Variants in MAP7 observed in about 807,000 individuals in gnomAD.
MAP7 encodes the protein microtubule associated protein 7, also known as ensconsin.
A neutral mutation model predicts 94.8 loss-of-function variants in MAP7; 52 were observed. The ratio of observed to expected loss-of-function variants is 0.55; its 90% CI spans 0.44 to 0.69. MAP7 has a LOEUF of 0.69. MAP7 is among the 30% of genes least tolerant of loss of function. The pLI, the probability that MAP7 is intolerant of heterozygous loss-of-function variation, is 0.00. For missense variants in MAP7, 940 were observed against 964.6 expected, an observed-to-expected ratio of 0.97 and a Z score of 0.34; for synonymous variants, 350 against 357.0, an observed-to-expected ratio of 0.98 and a Z score of 0.22.
intron 3 of MAP7, among the ~76,000 whole-genome samples, chr6:136,403,295 G>C (rs1264753741): frequency 1.3e-5 from 2 of 152,216 alleles, no homozygotes; most frequent in Admixed American, 1.3e-4. Flanking sequence ...GATGTCGTCA[G>C]CTCTTGCTTC....
intron 1 of MAP7, among the ~76,000 whole-genome samples, chr6:136,490,794 T>A (rs1816339071): frequency 6.6e-6 from 1 of 152,154 alleles, no homozygotes; most frequent in Non-Finnish European, 1.5e-5. Context: ...GGCACTAAGG[T>A]ATATTCCCAT....
At chr6:136,419,683 T>C (rs1457702537) in intron 2 of MAP7, among the ~76,000 whole-genome samples, 1 of 152,214 alleles carries the variant, frequency 6.6e-6, no homozygotes, top group African/African-American at 2.4e-5. Context: ...GGTGAGTGTA[T>C]CACATGTCAT....
Position 136,345,908 on chromosome 6 carries a change from C to T in MAP7, c.2187G>A (p.Gly729=), listed in dbSNP as rs773006654. Reference sequence around the variant, plus strand: ...CTACCTGAGGCAGGGGCCCAAGTGTCCCTTCATCATCAAAGGCCAAAATTG... The same window carrying T: ...CTACCTGAGGCAGGGGCCCAAGTGTTCCTTCATCATCAAAGGCCAAAATTG... ...LNPILAFDDE[G]TLGPLPQVDG... Residue 729 remains glycine (G), a synonymous_variant, in exon 17 of 18, where the codon GGG becomes GGA. Coordinates refer to ENST00000354570, the MANE Select transcript of MAP7 (RefSeq NM_003980.6). 3 of 1,614,134 alleles carry T rather than the reference C, an allele frequency of 1.9e-6. No individual in the cohort carries two copies. Among genetic ancestry groups the T allele is most frequent in the South Asian group, 1.1e-5 (1 of 91,074 alleles).
intron 1 of MAP7, among the ~76,000 whole-genome samples, chr6:136,503,131 CA>C (rs1041519802): frequency 3.3e-5 from 5 of 152,128 alleles, no homozygotes; most frequent in African/African-American, 1.2e-4. Context: ...AAATAATTAC[CA>C]AATCTAATCT....
chr6:136,362,654 G>A lies in MAP7; in HGVS notation c.1322C>T (p.Ser441Leu), dbSNP rs750434219. 4 of 1,606,170 alleles carry A rather than the reference G, an allele frequency of 2.5e-6. No individual in the cohort carries two copies. The highest frequency in any genetic ancestry group is 2.7e-5 in the African/African-American group (2 of 74,750). The stretch of plus-strand genomic sequence containing the variant: ...GGGGACCGGGGCTGGAGCTGGGGCC[G>A]AGGCTGGAGCTGGGGCCGAGGCTGG... ...PAPASAPAPA[S>L]APAPAPVPTP... Residue 441 changes from serine (S) to leucine (L), a missense_variant, in exon 11 of 18, where the codon TCG becomes TTG. Physicochemically the swap from Ser to Leu is moderately radical, Grantham distance 145. Coordinates refer to ENST00000354570, the MANE Select transcript of MAP7 (RefSeq NM_003980.6).
At chr6:136,434,221 C>A (rs12209454) in intron 1 of MAP7, among the ~76,000 whole-genome samples, 1 of 151,248 alleles carries the variant, frequency 6.6e-6, no homozygotes, top group Non-Finnish European at 1.5e-5. Context: ...GCAGGAGAAC[C>A]GCTTGAACCC....
In MAP7 at chr6:136,366,458, A is replaced by G; in HGVS notation, c.877-19T>C. 1 of 1,537,264 alleles carries G rather than the reference A, an allele frequency of 6.5e-7. No homozygotes were observed. Among genetic ancestry groups the G allele is most frequent in the Non-Finnish European group, 9.0e-7 (1 of 1,110,546 alleles). Reference sequence around the variant, plus strand: ...TATAGCTCTAAGTTCAGAGAAACTCAATAGTTAGATTTTTCCACAAGCGAG... The same window carrying G: ...TATAGCTCTAAGTTCAGAGAAACTCGATAGTTAGATTTTTCCACAAGCGAG... On this transcript the variant is annotated intron_variant, in intron 8 of 17. Coordinates refer to ENST00000354570, the MANE Select transcript of MAP7 (RefSeq NM_003980.6).
chr6:136,409,551 T>C (rs9389389), intron 3 of MAP7, among the ~76,000 whole-genome samples: 15,205 of 152,302 alleles, frequency 0.1, 1,657 homozygotes, highest in East Asian at 0.27. Context: ...TCAGCAAATG[T>C]CTTTTTTCCA....
intron 1 of MAP7, among the ~76,000 whole-genome samples, chr6:136,514,058 C>A (rs190403332): frequency 1.1e-4 from 17 of 152,220 alleles, no homozygotes; most frequent in Admixed American, 1.0e-3. Flanking sequence ...AGGGGTTTGG[C>A]ACACCAACCT....
intron 5 of MAP7, among the ~76,000 whole-genome samples, chr6:136,384,058 T>C (rs1778511654): frequency 6.6e-6 from 1 of 152,152 alleles, no homozygotes; most frequent in South Asian, 2.1e-4. Flanking sequence ...GGAAGGCCAG[T>C]GAAGGGCTTC....
intron 2 of MAP7, 42 bp from the exon 3 acceptor site, chr6:136,411,739 T>TAAA: frequency 8.7e-7 from 1 of 1,155,964 alleles, no homozygotes. Context: ...AAGAGTGGAT[T>TAAA]AAAAAAAAAA....
chr6:136,463,950 G>A (rs1333165762), intron 1 of MAP7, among the ~76,000 whole-genome samples: 5 of 152,114 alleles, frequency 3.3e-5, no homozygotes, highest in Non-Finnish European at 7.4e-5. Context: ...ACCATAAAAC[G>A]CCTGGTAAAA....
intron 5 of MAP7, among the ~76,000 whole-genome samples, chr6:136,384,187 G>A (rs1334769760): frequency 2.0e-5 from 3 of 152,082 alleles, no homozygotes; most frequent in Admixed American, 6.5e-5. Flanking sequence ...CGCAAACACT[G>A]GGATAAAAAG....
At chr6:136,532,412 G>A (rs1385217217) in intron 1 of MAP7, among the ~76,000 whole-genome samples, 1 of 152,144 alleles carries the variant, frequency 6.6e-6, no homozygotes. Flanking sequence ...CAAGACTCCA[G>A]AGGAATAAAA....
At position 136,363,558 on chromosome 6, in the gene MAP7, A is replaced by C. The variant is rs568197617; in HGVS notation, c.1274-856T>G. 6.6e-5 allele frequency among the ~76,000 whole-genome samples: 10 copies of C among 152,154 alleles called. No individual in the cohort carries two copies. In the South Asian group the frequency reaches 8.3e-4, roughly 13 times the overall value. ...ATACTGGACTCCTCCTTTTTCTAAC[A>C]TTTTAACCTGTTTTGAATCATCTCT... On this transcript the variant is annotated intron_variant, in intron 10 of 17. Coordinates refer to ENST00000354570, the MANE Select transcript of MAP7 (RefSeq NM_003980.6).
rs546064586 is a variant in MAP7 at position 136,395,269 on chromosome 6, G to C, written c.245-5752C>G. 2.0e-3 allele frequency among the ~76,000 whole-genome samples: 300 copies of C among 151,460 alleles called. 1 individual carries two copies. The highest frequency in any genetic ancestry group is 6.6e-3 in the African/African-American group (274 of 41,296). Reference sequence around the variant, plus strand: ...TTTTGATAATAGCCATTCTAACTGGGGTGCTATGTCTCATTGTGATTTTGA... The same window carrying C: ...TTTTGATAATAGCCATTCTAACTGGCGTGCTATGTCTCATTGTGATTTTGA... On this transcript the variant is annotated intron_variant, in intron 3 of 17. Transcript: ENST00000354570.
intron 1 of MAP7, among the ~76,000 whole-genome samples, chr6:136,508,155 A>G (rs1258473327): frequency 6.6e-6 from 1 of 151,824 alleles, no homozygotes; most frequent in Non-Finnish European, 1.5e-5. Context: ...GTGAAACTCC[A>G]TCTTTGCAAA....
intron 1 of MAP7, chr6:136,526,364 G>A (rs1827878733): frequency 1.0e-6 from 1 of 993,238 alleles, no homozygotes; most frequent in Non-Finnish European, 1.2e-6. Context: ...TGCACAACCT[G>A]TTCAATCAGA....
At chr6:136,459,925 A>G (rs1201483519) in intron 1 of MAP7, among the ~76,000 whole-genome samples, 1 of 152,176 alleles carries the variant, frequency 6.6e-6, no homozygotes, top group South Asian at 2.1e-4. Context: ...AACAAAACAG[A>G]GCTATAGTAT....
Sources: gnomAD v4.1 joint callset for allele counts (sites outside exome capture counted in the v4.1 genomes callset) on GRCh38, gnomAD v4.1.1 for gene constraint, MANE v1.5 for transcripts, NCBI Gene and HGNC (gene_info 2026-07-23, HGNC 2026-07-21) for gene names.